The following RBFOX1 variants were observed in gnomAD, a reference collection of about 807,000 sequenced individuals.
RBFOX1 encodes RNA binding fox-1 homolog 1.
In RBFOX1, 8 loss-of-function variants were observed where a neutral mutation model predicts 57.7. The ratio of observed to expected loss-of-function variants is 0.14; its 90% CI spans 0.08 to 0.25. The LOEUF is 0.25. RBFOX1 is among the 10% of genes least tolerant of loss of function. The pLI, the probability that RBFOX1 is intolerant of heterozygous loss-of-function variation, is 1.00. For missense variants in RBFOX1, 611 were observed against 548.5 expected (o/e 1.11, Z -1.14); for synonymous variants, 326 against 222.4 (o/e 1.47, Z -4.15).
chr16:6,851,620 C>T (rs2094068899), intron 3 of RBFOX1, among the ~76,000 whole-genome samples: 2 of 152,116 alleles, frequency 1.3e-5, no homozygotes, highest in Admixed American at 6.5e-5. Context: ...TCTTTACATG[C>T]CTCCTCTCAA....
chr16:7,617,038 A>T (rs1232128930), intron 10 of RBFOX1, among the ~76,000 whole-genome samples: 1 of 152,080 alleles, frequency 6.6e-6, no homozygotes, highest in Non-Finnish European at 1.5e-5. Context: ...ATCTGTAATG[A>T]TGGTAGTAGT....
chr16:6,241,378 A>G (rs1403138980), intron 1 of RBFOX1, among the ~76,000 whole-genome samples: 1 of 152,234 alleles, frequency 6.6e-6, no homozygotes. Context: ...AGCATTGAAC[A>G]TCGCATTACG....
At chr16:5,418,087 C>CAAA (rs2067208712) in intron 1 of RBFOX1, among the ~76,000 whole-genome samples, 1 of 151,746 alleles carries the variant, frequency 6.6e-6, no homozygotes, top group Admixed American at 6.6e-5. Context: ...ATCTCAACAA[C>CAAA]AACAACAACA....
intron 3 of RBFOX1, among the ~76,000 whole-genome samples, chr16:5,721,103 A>G (rs1016275173): frequency 6.6e-6 from 1 of 152,086 alleles, no homozygotes; most frequent in Non-Finnish European, 1.5e-5. Flanking sequence ...AATTTCTTTG[A>G]TCAATATTTA....
intron 3 of RBFOX1, among the ~76,000 whole-genome samples, chr16:5,830,948 C>T (rs1282346507): frequency 7.1e-6 from 1 of 140,948 alleles, no homozygotes; most frequent in African/African-American, 2.6e-5. Flanking sequence ...CAGACTGTCT[C>T]ACCTGCCACC....
intron 3 of RBFOX1, among the ~76,000 whole-genome samples, chr16:6,978,136 G>C (rs773337037): frequency 2.0e-5 from 3 of 152,014 alleles, no homozygotes; most frequent in Non-Finnish European, 2.9e-5. Context: ...CAACAGCCGG[G>C]CATGATGCCC....
At chr16:6,677,401 T>C (rs2057918472) in intron 3 of RBFOX1, among the ~76,000 whole-genome samples, 2 of 152,194 alleles carry the variant, frequency 1.3e-5, no homozygotes, top group South Asian at 4.1e-4. Flanking sequence ...CTATGGAGAC[T>C]GGAGGCCTAT....
At chr16:7,275,633 A>C (rs576265527) in intron 4 of RBFOX1, among the ~76,000 whole-genome samples, 1 of 152,336 alleles carries the variant, frequency 6.6e-6, no homozygotes, top group South Asian at 2.1e-4. Flanking sequence ...AATCTGTGCA[A>C]ATGATGAGCT....
intron 3 of RBFOX1, among the ~76,000 whole-genome samples, chr16:5,800,038 A>AT (rs1227015757): frequency 6.6e-6 from 1 of 151,840 alleles, no homozygotes; most frequent in Non-Finnish European, 1.5e-5. Flanking sequence ...ATATTTCCCT[A>AT]TTTTTTATAT....
intron 3 of RBFOX1, among the ~76,000 whole-genome samples, chr16:5,691,223 T>A (rs1202227568): frequency 6.6e-6 from 1 of 152,222 alleles, no homozygotes; most frequent in Non-Finnish European, 1.5e-5. Flanking sequence ...TAGTTTCTGT[T>A]GCCTGCAAGC....
chr16:6,916,924 A>G (rs369459168), intron 3 of RBFOX1, among the ~76,000 whole-genome samples: 38 of 152,254 alleles, frequency 2.5e-4, no homozygotes, highest in Middle Eastern at 6.8e-3. Flanking sequence ...ATCTCGGCTC[A>G]CTGCAACCTC....
intron 2 of RBFOX1, among the ~76,000 whole-genome samples, chr16:5,552,361 A>G (rs1009650236): frequency 4.6e-5 from 7 of 152,196 alleles, no homozygotes; most frequent in Non-Finnish European, 1.0e-4. Context: ...GCTCACAATT[A>G]TTGAGCTCTT....
intron 2 of RBFOX1, among the ~76,000 whole-genome samples, chr16:6,438,965 T>C (rs1397634998): frequency 6.6e-6 from 1 of 152,202 alleles, no homozygotes; most frequent in East Asian, 1.9e-4. Flanking sequence ...TCCTTTTGCA[T>C]TGTCACTGCT....
At chr16:6,927,028 TAACCCTTCGTTACCTAAA>T (rs1314544111) in intron 3 of RBFOX1, among the ~76,000 whole-genome samples, 1 of 152,114 alleles carries the variant, frequency 6.6e-6, no homozygotes, top group Non-Finnish European at 1.5e-5. Context: ...CGATTACTAT[TAACCCTTCGTTACCTAAA>T]TCCACCCACC....
chr16:6,260,093 C>T (rs567863588), intron 1 of RBFOX1, among the ~76,000 whole-genome samples: 4 of 152,138 alleles, frequency 2.6e-5, no homozygotes, highest in Non-Finnish European at 5.9e-5. Flanking sequence ...AAATAGCCAC[C>T]ACTGTAAATC....
At chr16:5,542,244 A>ATTT (rs5815254) in intron 2 of RBFOX1, among the ~76,000 whole-genome samples, 19 of 122,562 alleles carry the variant, frequency 1.6e-4, no homozygotes, top group African/African-American at 2.8e-4. Context: ...ACAGGTATTG[A>ATTT]TTTTTTTTTT....
chr16:6,286,260 C>G (rs930856479), intron 1 of RBFOX1, among the ~76,000 whole-genome samples: 24 of 152,144 alleles, frequency 1.6e-4, no homozygotes, highest in Non-Finnish European at 3.2e-4. Flanking sequence ...TGCCAAGTCT[C>G]CATGTGTCTT....
chr16:5,455,015 CTTT>C (rs1567536326), intron 1 of RBFOX1, among the ~76,000 whole-genome samples: 44 of 114,356 alleles, frequency 3.8e-4, no homozygotes, highest in African/African-American at 8.0e-4. Flanking sequence ...TTCTTTCTTT[CTTT>C]CTTTCTCTCT....
chr16:7,284,525 C>G (rs1322160803), intron 4 of RBFOX1, among the ~76,000 whole-genome samples: 1 of 151,854 alleles, frequency 6.6e-6, no homozygotes, highest in Non-Finnish European at 1.5e-5. Context: ...GAGATGAGGT[C>G]CTGCTATATT....
Sources: gnomAD v4.1 joint callset for allele counts (sites outside exome capture counted in the v4.1 genomes callset) on GRCh38, gnomAD v4.1.1 for gene constraint, MANE v1.5 for transcripts, NCBI Gene and HGNC (gene_info 2026-07-23, HGNC 2026-07-21) for gene names.